Variants in FAM171B observed in about 807,000 individuals in gnomAD.
FAM171B encodes protein FAM171B.
FAM171B carries 19 observed loss-of-function variants against 75.6 expected under a neutral mutation model. The ratio of observed to expected loss-of-function variants is 0.25; its 90% confidence interval spans 0.18 to 0.37. The LOEUF (loss-of-function observed/expected upper bound fraction) is 0.37. Among genes scored for constraint, FAM171B ranks in the 10% least tolerant of loss-of-function variants. The pLI, the probability that FAM171B is intolerant of heterozygous loss-of-function variation, is 1.00. For synonymous variants in FAM171B, 367 were observed against 361.7 expected, an observed-to-expected ratio of 1.01 and a Z score of -0.17; for missense variants, 848 against 982.4, an observed-to-expected ratio of 0.86 and a Z score of 1.83.
At chr2:186,749,702 CCT>C (rs1252368821) in intron 4 of FAM171B, among the ~76,000 whole-genome samples, 1 of 152,142 alleles carries the variant, frequency 6.6e-6, no homozygotes, top group Non-Finnish European at 1.5e-5. Flanking sequence ...GCCTGTCTCC[CCT>C]GCTGCCCTCT....
chr2:186,709,220 C>G (rs1689777482), intron 1 of FAM171B, among the ~76,000 whole-genome samples: 1 of 152,134 alleles, frequency 6.6e-6, no homozygotes. Flanking sequence ...TCACCTCCCA[C>G]CAGGCCCCAT....
intron 1 of FAM171B, among the ~76,000 whole-genome samples, chr2:186,694,754 C>CACACAA (rs561752706): frequency 2.8e-5 from 2 of 71,458 alleles, no homozygotes; most frequent in Admixed American, 1.5e-4. Flanking sequence ...CTGTAACACA[C>CACACAA]ACACACACAC....
chr2:186,695,255 C>T (rs185158253), intron 1 of FAM171B: 104 of 152,304 alleles, frequency 6.8e-4, no homozygotes, highest in African/African-American at 2.4e-3. Context: ...TCCGCAGTTC[C>T]TCCCTCTTTC....
intron 6 of FAM171B, among the ~76,000 whole-genome samples, chr2:186,760,630 C>T (rs1490709960): frequency 6.6e-6 from 1 of 151,748 alleles, no homozygotes; most frequent in Non-Finnish European, 1.5e-5. Flanking sequence ...CTTTCTATAG[C>T]AGCATCTCAG....
intron 1 of FAM171B, among the ~76,000 whole-genome samples, chr2:186,737,137 A>T (rs575655155): frequency 1.3e-5 from 2 of 152,308 alleles, no homozygotes; most frequent in South Asian, 4.1e-4. Flanking sequence ...ATGTCTAGGG[A>T]ATGGCAGAGG....
chr2:186,720,326 C>T (rs987278498), intron 1 of FAM171B, among the ~76,000 whole-genome samples: 1 of 152,220 alleles, frequency 6.6e-6, no homozygotes, highest in Non-Finnish European at 1.5e-5. Flanking sequence ...ACGTGAGCCA[C>T]CACACCTGGC....
chr2:186,750,032 G>T (rs1163396577), intron 4 of FAM171B, among the ~76,000 whole-genome samples: 1 of 152,072 alleles, frequency 6.6e-6, no homozygotes, highest in Non-Finnish European at 1.5e-5. Context: ...TGTCTTTGGG[G>T]CCCATATGAG....
At chr2:186,699,687 A>C (rs1264434172) in intron 1 of FAM171B, among the ~76,000 whole-genome samples, 2 of 152,116 alleles carry the variant, frequency 1.3e-5, no homozygotes, top group African/African-American at 4.8e-5. Context: ...TTACTCAATA[A>C]ATCTTTGTGC....
At chr2:186,727,657 G>C (rs1174230554) in intron 1 of FAM171B, among the ~76,000 whole-genome samples, 1 of 152,140 alleles carries the variant, frequency 6.6e-6, no homozygotes, top group Non-Finnish European at 1.5e-5. Flanking sequence ...ATATGAGTAT[G>C]ATGAGTGGGG....
intron 1 of FAM171B, among the ~76,000 whole-genome samples, chr2:186,720,344 T>C (rs1199113762): frequency 6.6e-6 from 1 of 152,156 alleles, no homozygotes; most frequent in Admixed American, 6.6e-5. Context: ...GGCCATAATA[T>C]TATTTATTGG....
At chr2:186,732,174 T>G (rs942529440) in intron 1 of FAM171B, among the ~76,000 whole-genome samples, 9 of 152,144 alleles carry the variant, frequency 5.9e-5, no homozygotes, top group Non-Finnish European at 1.2e-4. Flanking sequence ...TATAACTTTT[T>G]TTTGTTGTTT....
intron 1 of FAM171B, among the ~76,000 whole-genome samples, chr2:186,717,239 A>G (rs1330564976): frequency 6.6e-6 from 1 of 152,216 alleles, no homozygotes; most frequent in Non-Finnish European, 1.5e-5. Context: ...AATAAATAAA[A>G]TAAAAGTAAA....
At chr2:186,748,022 G>A (rs541519385) in intron 4 of FAM171B, among the ~76,000 whole-genome samples, 3 of 151,992 alleles carry the variant, frequency 2.0e-5, no homozygotes, top group South Asian at 4.2e-4. Context: ...ACCAAGGTTC[G>A]AGTGATCTTC....
chr2:186,721,310 A>G (rs893652574), intron 1 of FAM171B, among the ~76,000 whole-genome samples: 1 of 152,168 alleles, frequency 6.6e-6, no homozygotes, highest in African/African-American at 2.4e-5. Flanking sequence ...GCCAGGGTTG[A>G]GAATTGCTGT....
At chr2:186,753,263 C>G (rs1446976032) in intron 5 of FAM171B, among the ~76,000 whole-genome samples, 2 of 152,200 alleles carry the variant, frequency 1.3e-5, no homozygotes, top group African/African-American at 4.8e-5. Context: ...ATTCTCCTGC[C>G]TCAGCCTCCT....
intron 6 of FAM171B, among the ~76,000 whole-genome samples, chr2:186,759,443 A>C (rs574329364): frequency 6.6e-6 from 1 of 152,212 alleles, no homozygotes; most frequent in African/African-American, 2.4e-5. Flanking sequence ...TGACTATGTT[A>C]ATTTACATTC....
At position 186,761,547 on chromosome 2, in the gene FAM171B, A is replaced by G. The variant is rs376805716; in HGVS notation, c.1205A>G (p.Gln402Arg). ...ITKLEVLKRDQTTSTTHINHI... is the reference protein window; with the variant it reads ...ITKLEVLKRDRTTSTTHINHI... ...AAACTTGAGGTCCTCAAGAGAGACCAGACAACTTCAACAACACACATAAAT... is the reference window on the plus strand; with the variant it reads ...AAACTTGAGGTCCTCAAGAGAGACCGGACAACTTCAACAACACACATAAAT... Residue 402 changes from glutamine (Q) to arginine (R), a missense_variant, in exon 8 of 8, where the codon CAG (glutamine) becomes CGG (arginine). This residue lies in a region of FAM171B where 665 missense variants were observed against 729.0 expected (regional missense o/e 0.91). Transcript: ENST00000304698. 24 of 1,608,074 alleles carry G rather than the reference A, an allele frequency of 1.5e-5. No individual in the cohort carries two copies. Among genetic ancestry groups the G allele is most frequent in the Non-Finnish European group, 5.1e-6 (6 of 1,178,364 alleles).
chr2:186,694,433 C>A lies in FAM171B; in HGVS notation c.238+22C>A, dbSNP rs1284117567. On this transcript the variant is annotated intron_variant, in intron 1 of 7. Coordinates refer to ENST00000304698, the MANE Select transcript of FAM171B (RefSeq NM_177454.4). ...CCAGGTAGGTCCTGGCTGCCCAGCC[C>A]GGTCTTTCAGTCTCGGCCGGCGATC... The A allele has an allele frequency of 1.9e-6, 3 of 1,598,684 alleles. No individual in the cohort carries two copies. The East Asian group carries it at 6.8e-5, about 36-fold the overall frequency.
chr2:186,748,139 G>C (rs980002566), intron 4 of FAM171B, among the ~76,000 whole-genome samples: 7 of 151,716 alleles, frequency 4.6e-5, no homozygotes, highest in African/African-American at 1.7e-4. Flanking sequence ...GCCTAGGCTG[G>C]TCTTTAACTC....
Sources: allele counts gnomAD v4.1 joint callset (sites outside exome capture counted in the v4.1 genomes callset), GRCh38; gene constraint gnomAD v4.1.1; regional missense constraint gnomAD v4.1.1; transcripts MANE v1.5; gene names NCBI Gene and HGNC (gene_info 2026-07-23, HGNC 2026-07-21).